DNAH17: variants seen among roughly 807,000 people sequenced by gnomAD.
DNAH17 encodes axonemal beta dynein heavy chain 17.
DNAH17 carries 376 observed loss-of-function variants against 485.6 expected under a neutral mutation model. That is an observed-to-expected ratio of 0.77 (90% confidence interval 0.71 to 0.84). The LOEUF (loss-of-function observed/expected upper bound fraction) is 0.84, where lower values mean the gene tolerates loss of function less well. DNAH17 is among the 40% of genes least tolerant of loss of function. The pLI, the probability that DNAH17 is intolerant of heterozygous loss-of-function variation, is 0.00. For synonymous variants in DNAH17, 3,031 were observed against 2,405.9 expected, an observed-to-expected ratio of 1.26 and a Z score of -7.60; for missense variants, 6,370 against 5,839.3, an observed-to-expected ratio of 1.09 and a Z score of -2.96.
chr17:78,576,696 C>T (rs2092437552), intron 1 of DNAH17, among the ~76,000 whole-genome samples: 1 of 152,198 alleles, frequency 6.6e-6, no homozygotes, highest in Non-Finnish European at 1.5e-5. Flanking sequence ...GGCGACTGGA[C>T]TGGAGGGAAA....
rs2089226861 is a variant in DNAH17, at chr17:78,478,892, TATCATCATTATC to T, written c.7992+121_7992+132del. On this transcript the variant is annotated intron_variant, in intron 51 of 80. Transcript: ENST00000389840. ...CCACCATTACCATCACCACCATTAT[TATCATCATTATC>T]ATTACCACCATCACCACCATCATCA... The T allele has an allele frequency of 7.1e-6, 5 of 704,642 alleles. No homozygotes were observed. In the Admixed American group the frequency reaches 1.5e-4, roughly 21 times the overall value. 43.6% of individuals were successfully genotyped at this position (704,642 alleles called of 1,614,324 possible).
chr17:78,474,768 C>T (rs991909247), intron 54 of DNAH17, among the ~76,000 whole-genome samples: 1 of 143,452 alleles, frequency 7.0e-6, no homozygotes, highest in Non-Finnish European at 1.5e-5. Context: ...ACCTCAGTCA[C>T]GCGGGCTGGA....
chr17:78,541,205 GGAT>G (rs1487786095), intron 17 of DNAH17, among the ~76,000 whole-genome samples: 1 of 6,158 alleles, frequency 1.6e-4, no homozygotes, highest in Non-Finnish European at 2.4e-4. Context: ...GGGGGTGAGC[GGAT>G]GGGTGGGTGG....
At position 78,574,747 on chromosome 17, in the gene DNAH17, G is replaced by A; in HGVS notation, c.311C>T (p.Thr104Ile). The A allele has an allele frequency of 6.2e-7, 1 of 1,613,320 alleles. No individual in the cohort carries two copies. Among genetic ancestry groups the A allele is most frequent in the South Asian group, 1.1e-5 (1 of 90,992 alleles). Residue 104 changes from threonine (T) to isoleucine (I), a missense_variant, in exon 2 of 81, where the codon ACA becomes ATA. Coordinates refer to ENST00000389840, the MANE Select transcript of DNAH17 (RefSeq NM_173628.4). ...CACCGCGATCAGCTGGTCCACGGGT[G>A]TGGGGCTGATGTCGCCGTAAAGGAG... ...ARLLYGDISP[T>I]PVDQLIAVVE...
At chr17:78,555,507 G>A (rs1004322424) in intron 14 of DNAH17, among the ~76,000 whole-genome samples, 3 of 132,094 alleles carry the variant, frequency 2.3e-5, no homozygotes, top group Non-Finnish European at 4.6e-5. Flanking sequence ...GGGGAGCCCT[G>A]CCACGGCTGC....
At chr17:78,469,298 C>T (rs761718926) in intron 54 of DNAH17, among the ~76,000 whole-genome samples, 7 of 152,220 alleles carry the variant, frequency 4.6e-5, no homozygotes, top group South Asian at 2.1e-4. Flanking sequence ...CCCGCCACCA[C>T]GCCTGGCTAA....
At position 78,485,681 on chromosome 17, in the gene DNAH17, A is replaced by G. The variant is rs1476134877; in HGVS notation, c.7352T>C (p.Val2451Ala). Reference protein sequence around the residue: ...MDLLMEKSWPVMLVGNAGTGK... With the variant: ...MDLLMEKSWPAMLVGNAGTGK... ...CGTCCCCGCGTTCCCCACCAGCATCACCGGCCAGGACTTCTCCATGAGCAG... is the reference window on the plus strand; with the variant it reads ...CGTCCCCGCGTTCCCCACCAGCATCGCCGGCCAGGACTTCTCCATGAGCAG... Residue 2451 changes from valine (V) to alanine (A), a missense_variant, in exon 47 of 81, where the codon GTG becomes GCG. Coordinates refer to ENST00000389840, the MANE Select transcript of DNAH17 (RefSeq NM_173628.4). 1.2e-6 allele frequency: 2 copies of G among 1,613,792 alleles called. No individual in the cohort carries two copies. Among genetic ancestry groups the G allele is most frequent in the Non-Finnish European group, 1.7e-6 (2 of 1,179,886 alleles).
chr17:78,438,696 G>A (rs1176209818), intron 73 of DNAH17, among the ~76,000 whole-genome samples: 5 of 151,410 alleles, frequency 3.3e-5, no homozygotes, highest in South Asian at 4.2e-4. Flanking sequence ...ACAGGGTTTC[G>A]CCATGTTGGT....
At position 78,426,480 on chromosome 17, in the gene DNAH17, C is replaced by T. The variant is rs146587167; in HGVS notation, c.12892G>A (p.Ala4298Thr). The T allele has an allele frequency of 2.1e-4, 338 of 1,609,736 alleles. No homozygotes were observed. The highest frequency in any genetic ancestry group is 1.9e-4 in the Non-Finnish European group (221 of 1,178,180). Residue 4298 changes from alanine to threonine, a missense_variant, in exon 79 of 81, where the codon GCA becomes ACA. Ala to Thr is a moderately conservative substitution (Grantham distance 58). Transcript: ENST00000389840. Reference sequence around the variant, plus strand: ...ACCCTGATGCGGAGCAGCAGGTCTGCGTACCAGGCCGCCAGGCCCATCATG... The same window carrying T: ...ACCCTGATGCGGAGCAGCAGGTCTGTGTACCAGGCCGCCAGGCCCATCATG... ...PSMMGLAAWYADLLLRIRELE... is the reference protein window; with the variant it reads ...PSMMGLAAWYTDLLLRIRELE...
chr17:78,489,032 G>C (rs1203895112), intron 44 of DNAH17, among the ~76,000 whole-genome samples: 1 of 152,150 alleles, frequency 6.6e-6, no homozygotes, highest in Non-Finnish European at 1.5e-5. Flanking sequence ...CCCATTAGTG[G>C]TCATTGTTTC....
chr17:78,483,648 TAATAATAATAAC>T (rs1337166198), intron 48 of DNAH17, among the ~76,000 whole-genome samples: 15 of 69,440 alleles, frequency 2.2e-4, no homozygotes, highest in Admixed American at 3.8e-4. Flanking sequence ...ATAATAATAA[TAATAATAATAAC>T]CCAGCTCCGC....
chr17:78,552,114 G>A (rs914430778), intron 15 of DNAH17, among the ~76,000 whole-genome samples: 3 of 152,196 alleles, frequency 2.0e-5, no homozygotes, highest in Non-Finnish European at 2.9e-5. Context: ...GAAATGCCAA[G>A]GAATCACAAA....
chr17:78,427,073 A>G lies in DNAH17; in HGVS notation c.12624T>C (p.Ile4208=), dbSNP rs763416624. ...KAVLDDILEK[I]PETFNMAEIM... ...TCTCAGCCATGTTGAAAGTCTCCGG[A>G]ATCTTCTCCAGGATGTCGTCCAGCA... Residue 4208 remains isoleucine, a synonymous_variant, in exon 78 of 81, where the codon ATT becomes ATC. Transcript: ENST00000389840. The G allele has an allele frequency of 8.2e-6, 13 of 1,589,494 alleles. No individual in the cohort carries two copies. The highest frequency in any genetic ancestry group is 6.8e-6 in the Non-Finnish European group (8 of 1,168,122).
In DNAH17 at chr17:78,553,305, TTTTTTTTTTTTTTTA is replaced by T. The variant is rs1247265439; in HGVS notation, c.2179-515_2179-501del. ...TGTGTTTTTTTTTTTTTTTTTTTTT[TTTTTTTTTTTTTTTA>T]AGATGGAGTCTCACTCTGTCACCCA... On this transcript the variant is annotated intron_variant, in intron 14 of 80. Transcript: ENST00000389840. Among the ~76,000 whole-genome samples, 72 of 78,974 alleles carry T rather than the reference TTTTTTTTTTTTTTTA, an allele frequency of 9.1e-4. 1 individual carries two copies. The East Asian group carries it at 0.015, about 16-fold the overall frequency. 51.8% of individuals were successfully genotyped at this position (78,974 alleles called of 152,430 possible).
At chr17:78,542,090 A>G (rs2143458076) in intron 17 of DNAH17, among the ~76,000 whole-genome samples, 1 of 148,900 alleles carries the variant, frequency 6.7e-6, no homozygotes, top group East Asian at 2.0e-4. Flanking sequence ...AGTCCACACC[A>G]CTGATTTGCA....
intron 19 of DNAH17, among the ~76,000 whole-genome samples, chr17:78,534,088 T>A (rs115070641): frequency 1.3e-5 from 2 of 152,222 alleles, no homozygotes; most frequent in African/African-American, 4.8e-5. Flanking sequence ...AAAAGGCTCA[T>A]CTGGGGGCAT....
At chr17:78,559,046 C>T (rs956701777) in intron 13 of DNAH17, among the ~76,000 whole-genome samples, 4 of 152,204 alleles carry the variant, frequency 2.6e-5, no homozygotes, top group Admixed American at 6.5e-5. Flanking sequence ...TGGGGAGCCA[C>T]AGACCTTGTT....
intron 44 of DNAH17, among the ~76,000 whole-genome samples, chr17:78,487,711 G>C (rs1184819988): frequency 6.6e-6 from 1 of 152,122 alleles, no homozygotes; most frequent in African/African-American, 2.4e-5. Flanking sequence ...TTTTAGTAGA[G>C]ACAGGGTTTC....
chr17:78,561,641 G>C (rs566345837), intron 12 of DNAH17, 74 bp downstream of exon 12: 1 of 1,492,422 alleles, frequency 6.7e-7, no homozygotes, highest in Non-Finnish European at 8.9e-7. Flanking sequence ...TCCCGCTCGG[G>C]GTTGGGACAG....
Sources: gnomAD v4.1 joint callset for allele counts (sites outside exome capture counted in the v4.1 genomes callset) on GRCh38, gnomAD v4.1.1 for gene constraint, MANE v1.5 for transcripts, NCBI Gene and HGNC (gene_info 2026-07-23, HGNC 2026-07-21) for gene names.